Variants in TPP2 observed in about 807,000 individuals in gnomAD.
TPP2 encodes the protein tripeptidyl peptidase 2.
TPP2 carries 34 observed loss-of-function variants against 155.9 expected under a neutral mutation model. That is an observed-to-expected ratio of 0.22 (90% confidence interval 0.17 to 0.29). TPP2 has a LOEUF of 0.29. TPP2 is among the 10% of genes least tolerant of loss of function. The probability of loss-of-function intolerance (pLI) is 1.00; values close to 1 mark genes in which losing one functional copy is unlikely to be tolerated. For missense variants in TPP2, 1,028 were observed against 1,522.3 expected (o/e 0.68, Z 5.40); for synonymous variants, 510 against 529.4 (o/e 0.96, Z 0.50).
At chr13:102,610,008 C>G (rs1880158182) in intron 2 of TPP2, among the ~76,000 whole-genome samples, 1 of 152,122 alleles carries the variant, frequency 6.6e-6, no homozygotes, top group Non-Finnish European at 1.5e-5. Context: ...TCTTCTCCAT[C>G]CATCCATAAC....
intron 27 of TPP2, among the ~76,000 whole-genome samples, chr13:102,673,105 G>A (rs1431021129): frequency 6.6e-6 from 1 of 152,140 alleles, no homozygotes; most frequent in East Asian, 1.9e-4. Context: ...CCCGGTCTTG[G>A]GCAATGTTTC....
Position 102,618,647 on chromosome 13 carries a change from A to T in TPP2, c.496-75A>T. ...TAATTTTACTATGGATTAACATTGT[A>T]TCTTTGGCTGTATGTTAATACAACT... On this transcript the variant is annotated intron_variant, in intron 4 of 29. Transcript: ENST00000376052. 6 of 1,539,620 alleles carry T rather than the reference A, an allele frequency of 3.9e-6. No homozygotes were observed. The South Asian group carries it at 7.5e-5, about 19-fold the overall frequency.
At chr13:102,635,551 A>G (rs991706619) in intron 11 of TPP2, 36 bp from the exon 12 acceptor site, 1 of 1,508,260 alleles carries the variant, frequency 6.6e-7, no homozygotes, top group African/African-American at 1.4e-5. Context: ...TCAGATAGTG[A>G]GTGCTACACT....
intron 24 of TPP2, among the ~76,000 whole-genome samples, chr13:102,656,550 G>A (rs1005666635): frequency 7.2e-5 from 11 of 152,150 alleles, no homozygotes; most frequent in African/African-American, 2.7e-4. Context: ...CCTATCAGAT[G>A]TCAGCATCTG....
chr13:102,609,940 A>G (rs1353535132), intron 2 of TPP2, among the ~76,000 whole-genome samples: 1 of 152,084 alleles, frequency 6.6e-6, no homozygotes, highest in Non-Finnish European at 1.5e-5. Flanking sequence ...AGGATGTGGG[A>G]TGGGGCAATG....
At chr13:102,673,111 G>A (rs150430428) in intron 27 of TPP2, among the ~76,000 whole-genome samples, 2 of 152,302 alleles carry the variant, frequency 1.3e-5, no homozygotes, top group African/African-American at 4.8e-5. Context: ...CTTGGGCAAT[G>A]TTTCAGCAGC....
At chr13:102,676,900 A>T (rs1449355208) in intron 29 of TPP2, among the ~76,000 whole-genome samples, 1 of 152,220 alleles carries the variant, frequency 6.6e-6, no homozygotes, top group Non-Finnish European at 1.5e-5. Context: ...CAAGTAAAAA[A>T]ATTTAGCTGA....
chr13:102,661,105 G>GA (rs36035691), intron 25 of TPP2, among the ~76,000 whole-genome samples: 425 of 151,082 alleles, frequency 2.8e-3, no homozygotes, highest in Non-Finnish European at 4.2e-3. Context: ...AGTAACATAA[G>GA]AAAAAAAAAT....
chr13:102,653,146 G>A (rs780849942), intron 24 of TPP2, among the ~76,000 whole-genome samples: 6 of 152,114 alleles, frequency 3.9e-5, no homozygotes, highest in Admixed American at 1.3e-4. Context: ...AGTTATCTCT[G>A]CTCGTTCCTT....
chr13:102,651,398 G>T lies in TPP2; in HGVS notation c.2991+1G>T, dbSNP rs1227847429. 1 of 1,577,074 alleles carries T rather than the reference G, an allele frequency of 6.3e-7. No individual in the cohort carries two copies. The highest frequency in any genetic ancestry group is 1.2e-5 in the South Asian group (1 of 85,958). Reference sequence around the variant, plus strand: ...AAAACGACAAGGAAAATTTAAAAAGGTACTGATTGTCAGTTCTTAAAAAAG... The same window carrying T: ...AAAACGACAAGGAAAATTTAAAAAGTTACTGATTGTCAGTTCTTAAAAAAG... On this transcript the variant is annotated splice_donor_variant, in intron 24 of 29. Coordinates refer to ENST00000376052, the MANE Select transcript of TPP2 (RefSeq NM_001330588.2). LOFTEE classifies it high-confidence loss of function.
At position 102,657,168 on chromosome 13, in the gene TPP2, C is replaced by G. The variant is rs1883914868; in HGVS notation, c.3104C>G (p.Thr1035Ser). 2 of 1,590,646 alleles carry G rather than the reference C, an allele frequency of 1.3e-6. No individual in the cohort carries two copies. Among genetic ancestry groups the G allele is most frequent in the Non-Finnish European group, 8.5e-7 (1 of 1,174,138 alleles). The change falls in exon 25 of 30, where the codon ACT becomes AGT. Residue 1035 changes from threonine (T) to serine (S), a missense_variant. This residue lies in a region of TPP2 where 179 missense variants were observed against 274.7 expected (regional missense o/e 0.65). Transcript: ENST00000376052. The stretch of plus-strand genomic sequence containing the variant: ...GAGAAAGATTTAAAAGAAGAGTTTA[C>G]TGAAGCATTACGAGATCTTAAAATT... Reference protein sequence around the residue: ...EKEKDLKEEFTEALRDLKIQW... With the variant: ...EKEKDLKEEFSEALRDLKIQW...
intron 6 of TPP2, 58 bp from the exon 7 acceptor site, chr13:102,626,954 T>C: frequency 7.0e-7 from 1 of 1,422,194 alleles, no homozygotes. Flanking sequence ...CAAATTGAAT[T>C]GAATAAACTT....
chr13:102,599,477 G>C (rs953650914), intron 1 of TPP2, among the ~76,000 whole-genome samples: 11 of 152,066 alleles, frequency 7.2e-5, no homozygotes, highest in Non-Finnish European at 1.5e-4. Flanking sequence ...GAAAAAGGAA[G>C]GAAAGAATGA....
chr13:102,628,080 TC>T (rs1386191693), intron 8 of TPP2, among the ~76,000 whole-genome samples, 156 bp downstream of exon 8: 1 of 152,124 alleles, frequency 6.6e-6, no homozygotes, highest in African/African-American at 2.4e-5. Flanking sequence ...CCTCTTGAAG[TC>T]CTGTTTGGCT....
chr13:102,631,616 C>G (rs948268842), intron 10 of TPP2: 1 of 152,214 alleles, frequency 6.6e-6, no homozygotes, highest in African/African-American at 2.4e-5. Flanking sequence ...TTTGCCGATA[C>G]TCGCCATAGA....
rs1471814280 is a variant in TPP2, at chr13:102,635,584, T to C, written c.1394-3T>C. ...ACTACTTGTTTTTGTTTCTTAATTT[T>C]AGGTCTGAAAGCTAATAACATTGAC... On this transcript the variant is annotated splice_polypyrimidine_tract_variant and splice_region_variant and intron_variant, in intron 11 of 29. Transcript: ENST00000376052. 5.0e-6 allele frequency: 8 copies of C among 1,609,642 alleles called. No individual in the cohort carries two copies. The highest frequency in any genetic ancestry group is 6.8e-6 in the Non-Finnish European group (8 of 1,178,264).
intron 2 of TPP2, among the ~76,000 whole-genome samples, chr13:102,610,756 A>G (rs985879193): frequency 3.3e-5 from 5 of 152,244 alleles, no homozygotes; most frequent in African/African-American, 7.2e-5. Flanking sequence ...ATAAAAGTAC[A>G]AAAGTGAATA....
chr13:102,657,143 G>A lies in TPP2; in HGVS notation c.3079G>A (p.Glu1027Lys). The A allele has an allele frequency of 6.2e-7, 1 of 1,600,632 alleles. No homozygotes were observed. Among genetic ancestry groups the A allele is most frequent in the African/African-American group, 1.4e-5 (1 of 73,978 alleles). Residue 1027 changes from glutamate to lysine, a missense_variant, in exon 25 of 30, where the codon GAG becomes AAG. This residue lies in a region of TPP2 where 179 missense variants were observed against 274.7 expected (regional missense o/e 0.65). Transcript: ENST00000376052. ...SKDKEKDSEK[E>K]KDLKEEFTEA... ...AGATAAGGAAAAAGATTCAGAAAAA[G>A]AGAAAGATTTAAAAGAAGAGTTTAC...
At position 102,658,835 on chromosome 13, in the gene TPP2, C is replaced by T. The variant is rs148542686; in HGVS notation, c.3143+1628C>T. ...CATCCTGACCTACTGCCAGTTGCAGCGGCTCAGTTCCAGCTGAGTGCTCTC... is the reference window on the plus strand; with the variant it reads ...CATCCTGACCTACTGCCAGTTGCAGTGGCTCAGTTCCAGCTGAGTGCTCTC... On this transcript the variant is annotated intron_variant, in intron 25 of 29. Coordinates refer to ENST00000376052, the MANE Select transcript of TPP2 (RefSeq NM_001330588.2). Among the ~76,000 whole-genome samples, 112 of 152,298 alleles carry T rather than the reference C, an allele frequency of 7.4e-4. 1 individual carries two copies. The highest frequency in any genetic ancestry group is 4.3e-3 in the East Asian group (22 of 5,168).
Sources: gnomAD v4.1 joint callset for allele counts (sites outside exome capture counted in the v4.1 genomes callset) on GRCh38, gnomAD v4.1.1 for gene constraint, gnomAD v4.1.1 regional missense constraint, MANE v1.5 for transcripts, NCBI Gene and HGNC (gene_info 2026-07-23, HGNC 2026-07-21) for gene names.